The following ZNHIT6 variants were observed in gnomAD, a reference collection of about 807,000 sequenced individuals.
The protein encoded by ZNHIT6 is box C/D snoRNA protein 1.
In ZNHIT6, 45 loss-of-function variants were observed where a neutral mutation model predicts 57.2. The observed-to-expected ratio is 0.79, with a 90% CI of 0.62 to 1.01. The LOEUF (loss-of-function observed/expected upper bound fraction) is 1.01, where lower values mean the gene tolerates loss of function less well. ZNHIT6 is among the 50% of genes least tolerant of loss of function. ZNHIT6 has a pLI of 0.00. For missense variants in ZNHIT6, 528 were observed against 567.3 expected, an observed-to-expected ratio of 0.93 and a Z score of 0.70; for synonymous variants, 188 against 190.0, an observed-to-expected ratio of 0.99 and a Z score of 0.09.
chr1:85,683,978 C>G (rs1661954356), intron 5 of ZNHIT6, among the ~76,000 whole-genome samples: 1 of 152,016 alleles, frequency 6.6e-6, no homozygotes, highest in African/African-American at 2.4e-5. Context: ...GCAAATGTCC[C>G]CTGGAAGCAG....
At chr1:85,663,640 AG>A (rs1661283962) in intron 8 of ZNHIT6, among the ~76,000 whole-genome samples, 1 of 152,208 alleles carries the variant, frequency 6.6e-6, no homozygotes, top group African/African-American at 2.4e-5. Context: ...CATTGGCACA[AG>A]TATCATGATA....
intron 4 of ZNHIT6, 23 bp from the exon 5 acceptor site, chr1:85,702,283 C>T: frequency 7.3e-7 from 1 of 1,368,996 alleles, no homozygotes; most frequent in Non-Finnish European, 1.0e-6. Context: ...ACCAAACAGA[C>T]AAATTAATTT....
intron 5 of ZNHIT6, among the ~76,000 whole-genome samples, chr1:85,693,244 C>G (rs1168986302): frequency 6.6e-6 from 1 of 152,052 alleles, no homozygotes; most frequent in East Asian, 1.9e-4. Flanking sequence ...TCCAAGCAGA[C>G]AGCAGTACCA....
intron 8 of ZNHIT6, among the ~76,000 whole-genome samples, chr1:85,668,409 T>C (rs1442536557): frequency 6.6e-6 from 1 of 152,164 alleles, no homozygotes; most frequent in Non-Finnish European, 1.5e-5. Context: ...GAAGTTTACG[T>C]AATCCCATCT....
In ZNHIT6 at chr1:85,649,892, A is replaced by G. The variant is rs1402915956; in HGVS notation, c.*4166T>C. On this transcript the variant is annotated 3_prime_UTR_variant, in exon 10 of 10. Coordinates refer to ENST00000370574, the MANE Select transcript of ZNHIT6 (RefSeq NM_017953.4). ...ATCCAAAAACCTATAATGGCAACTC[A>G]AAGCAGCAATAATAAGAAGAAGAGA... is the stretch of plus-strand genomic sequence containing the variant. 2 of 152,208 alleles carry G rather than the reference A, an allele frequency of 1.3e-5. No homozygotes were observed. Among genetic ancestry groups the G allele is most frequent in the Non-Finnish European group, 2.9e-5 (2 of 68,022 alleles). The allele number at this position is 152,208 out of a possible 1,614,324, so 9.4% of individuals were successfully genotyped here.
intron 5 of ZNHIT6, among the ~76,000 whole-genome samples, chr1:85,692,039 C>A (rs192986784): frequency 6.6e-6 from 1 of 152,184 alleles, no homozygotes; most frequent in African/African-American, 2.4e-5. Context: ...TTTGGTGGCG[C>A]GCACCTATAA....
chr1:85,697,254 T>C (rs903802391), intron 5 of ZNHIT6, among the ~76,000 whole-genome samples: 2 of 152,214 alleles, frequency 1.3e-5, no homozygotes, highest in Non-Finnish European at 2.9e-5. Context: ...CTGTGTCATA[T>C]ATGTTAAAGA....
At chr1:85,668,645 CTATT>C (rs1661454686) in intron 8 of ZNHIT6, among the ~76,000 whole-genome samples, 1 of 152,080 alleles carries the variant, frequency 6.6e-6, no homozygotes, top group South Asian at 2.1e-4. Context: ...TATAAATTTC[CTATT>C]TAGAGTATCT....
chr1:85,662,280 A>G (rs758567351), intron 8 of ZNHIT6, among the ~76,000 whole-genome samples: 14 of 152,064 alleles, frequency 9.2e-5, no homozygotes, highest in Non-Finnish European at 1.6e-4. Context: ...TCCACCTGCT[A>G]AAAAATACCA....
intron 8 of ZNHIT6, among the ~76,000 whole-genome samples, chr1:85,671,466 AT>A (rs546617696): frequency 2.9e-4 from 44 of 149,634 alleles, no homozygotes; most frequent in African/African-American, 8.8e-4. Flanking sequence ...TAAAAAAAAA[AT>A]TTTTTTTTTT....
intron 4 of ZNHIT6, among the ~76,000 whole-genome samples, chr1:85,704,094 T>G (rs1250875437): frequency 6.6e-6 from 1 of 152,174 alleles, no homozygotes; most frequent in African/African-American, 2.4e-5. Context: ...GCCAACAGAT[T>G]GACAAAAATT....
intron 4 of ZNHIT6, among the ~76,000 whole-genome samples, chr1:85,705,282 T>C (rs1662653021): frequency 6.6e-6 from 1 of 152,100 alleles, no homozygotes; most frequent in African/African-American, 2.4e-5. Context: ...GGCGCAATCA[T>C]GGCTCACTGC....
intron 5 of ZNHIT6, among the ~76,000 whole-genome samples, chr1:85,699,992 G>T (rs1662484080): frequency 6.6e-6 from 1 of 152,012 alleles, no homozygotes; most frequent in Admixed American, 6.6e-5. Context: ...AAAAATTAAT[G>T]TTTAACTTGA....
intron 1 of ZNHIT6, among the ~76,000 whole-genome samples, chr1:85,707,042 C>T (rs1329255805): frequency 6.6e-6 from 1 of 152,128 alleles, no homozygotes; most frequent in Non-Finnish European, 1.5e-5. Context: ...CTTCTATGCT[C>T]CTGGGATACT....
chr1:85,668,979 A>G (rs559679583), intron 8 of ZNHIT6, among the ~76,000 whole-genome samples: 27 of 151,010 alleles, frequency 1.8e-4, no homozygotes, highest in Non-Finnish European at 1.5e-5. Context: ...CTTGGGAGAC[A>G]GAGATTGTAA....
Position 85,652,971 on chromosome 1 carries a change from T to C in ZNHIT6, c.*1087A>G, listed in dbSNP as rs868339288. ...ATGTATATACATTAATACATACATATATGTTCCAATAACATGTTGAAGATT... is the reference window on the plus strand; with the variant it reads ...ATGTATATACATTAATACATACATACATGTTCCAATAACATGTTGAAGATT... On this transcript the variant is annotated 3_prime_UTR_variant, in exon 10 of 10. Coordinates refer to ENST00000370574, the MANE Select transcript of ZNHIT6 (RefSeq NM_017953.4). The C allele has an allele frequency of 5.9e-5, 9 of 152,216 alleles. No homozygotes were observed. Among genetic ancestry groups the C allele is most frequent in the Non-Finnish European group, 4.4e-5 (3 of 68,042 alleles). The allele number at this position is 152,216 out of a possible 1,614,324, so 9.4% of individuals were successfully genotyped here.
At chr1:85,672,797 A>C (rs10158627) in intron 8 of ZNHIT6, among the ~76,000 whole-genome samples, 24 of 27,432 alleles carry the variant, frequency 8.7e-4, no homozygotes, top group South Asian at 2.6e-3. Context: ...TTAAATCACA[A>C]AAAAAAAAAA....
Position 85,662,810 on chromosome 1 carries a change from A to G in ZNHIT6, c.1248-4839T>C, listed in dbSNP as rs545569541. Among the ~76,000 whole-genome samples the G allele has an allele frequency of 2.6e-5, 4 of 152,302 alleles. No individual in the cohort carries two copies. The South Asian group carries it at 8.3e-4, about 32-fold the overall frequency. ...TTGTGTAGTACAGACATATGTCTTA[A>G]TTCAGAAAGCTCACCAGTTCAGAAC... On this transcript the variant is annotated intron_variant, in intron 8 of 9. Transcript: ENST00000370574.
chr1:85,655,077 T>G (rs1570278098), intron 9 of ZNHIT6, among the ~76,000 whole-genome samples: 2 of 152,110 alleles, frequency 1.3e-5, no homozygotes, highest in African/African-American at 2.4e-5. Context: ...TTTCTAAGAG[T>G]AAGGCACTGA....
Sources: allele counts gnomAD v4.1 joint callset (sites outside exome capture counted in the v4.1 genomes callset), GRCh38; gene constraint gnomAD v4.1.1; transcripts MANE v1.5; gene names NCBI Gene and HGNC (gene_info 2026-07-23, HGNC 2026-07-21).